DDX19A: variants seen among roughly 807,000 people sequenced by gnomAD.
The protein encoded by DDX19A is DEAD-box helicase 19A.
A neutral mutation model predicts 60.6 loss-of-function variants in DDX19A; 12 were observed. That is an observed-to-expected ratio of 0.20 (90% CI 0.13 to 0.32). The LOEUF (loss-of-function observed/expected upper bound fraction) is 0.32. Ranked by LOEUF, DDX19A falls within the 10% of genes least tolerant of loss-of-function variation. DDX19A has a pLI of 1.00. For missense variants in DDX19A, 337 were observed against 600.6 expected (o/e 0.56, Z 4.59); for synonymous variants, 206 against 218.2 (o/e 0.94, Z 0.49).
At position 70,346,975 on chromosome 16, in the gene DDX19A, C is replaced by T. The variant is rs769728577; in HGVS notation, c.-17C>T. The T allele has an allele frequency of 1.2e-6, 2 of 1,610,186 alleles. No homozygotes were observed. Among genetic ancestry groups the T allele is most frequent in the African/African-American group, 1.3e-5 (1 of 74,910 alleles). On this transcript the variant is annotated 5_prime_UTR_variant, in exon 1 of 12. Coordinates refer to ENST00000302243, the MANE Select transcript of DDX19A (RefSeq NM_018332.5). ...GCAGCGCATATTTTCACAAGTGGGT[C>T]TCCCTTGTCCGGGACTATGGCCACC...
In DDX19A at chr16:70,370,260, C is replaced by G; in HGVS notation, c.1058C>G (p.Ser353Ter). The G allele has an allele frequency of 6.2e-7, 1 of 1,614,034 alleles. No homozygotes were observed. Among genetic ancestry groups the G allele is most frequent in the Non-Finnish European group, 8.5e-7 (1 of 1,179,988 alleles). The change falls in exon 10 of 12, where the codon TCA becomes TGA. Residue 353 changes from serine (S) to a stop codon, truncating the protein, a stop_gained. Coordinates refer to ENST00000302243, the MANE Select transcript of DDX19A (RefSeq NM_018332.5). LOFTEE classifies it high-confidence loss of function. ...GCTAGTTGGCTGGCAGCAGAGCTCT[C>G]AAAAGAAGGCCACCAGGTGGCTCTG... The part of the protein sequence containing the change: ...KTASWLAAEL[S>*]KEGHQVALLS...
chr16:70,365,755 G>C, intron 7 of DDX19A: 1 of 386,070 alleles, frequency 2.6e-6, no homozygotes, highest in Non-Finnish European at 4.9e-6. Flanking sequence ...ACTCTAGTCT[G>C]GGCAACAGAG....
Position 70,347,214 on chromosome 16 carries a change from A to T in DDX19A, c.57+166A>T, listed in dbSNP as rs74026010. On this transcript the variant is annotated intron_variant, in intron 1 of 11. Transcript: ENST00000302243. ...TTTGCTCTTAGAGCTAAAGAGACCA[A>T]TGTCGAGCTTTTTATCTCCATCTGG... 1,081 of 660,642 alleles carry T rather than the reference A, an allele frequency of 1.6e-3. 14 individuals are homozygous for T. The African/African-American group carries it at 0.018, about 11-fold the overall frequency. 40.9% of individuals were successfully genotyped at this position (660,642 alleles called of 1,614,324 possible).
intron 3 of DDX19A, chr16:70,355,747 G>C (rs930525949): frequency 1.2e-5 from 7 of 591,822 alleles, no homozygotes; most frequent in South Asian, 8.2e-5. Flanking sequence ...GGATTCCTTT[G>C]GGCCAGGAGT....
At chr16:70,361,532 A>G (rs988653423) in intron 5 of DDX19A, 22 bp downstream of exon 5, 5 of 1,571,238 alleles carry the variant, frequency 3.2e-6, no homozygotes, top group Non-Finnish European at 4.4e-6. Context: ...GATGAAGCGC[A>G]TCTCACCCAG....
At chr16:70,357,270 A>AAAT (rs1555552554) in intron 4 of DDX19A, among the ~76,000 whole-genome samples, 3 of 123,030 alleles carry the variant, frequency 2.4e-5, no homozygotes, top group African/African-American at 6.8e-5. Flanking sequence ...AAAAAAAAAA[A>AAAT]ATATATATAT....
At position 70,366,140 on chromosome 16, in the gene DDX19A, G is replaced by A. The variant is rs776297933; in HGVS notation, c.660G>A (p.Val220=). Residue 220 remains valine (V), a synonymous_variant, in exon 8 of 12, where the codon GTG becomes GTA. Transcript: ENST00000302243. The part of the protein sequence containing the change: ...EQIVIGTPGT[V]LDWCSKLKFI... ...TTGTCATTGGCACCCCTGGGACCGT[G>A]CTGGACTGGTGCTCCAAGCTCAAGT... 6.2e-7 allele frequency: 1 copy of A among 1,614,174 alleles called. No homozygotes were observed. Among genetic ancestry groups the A allele is most frequent in the Non-Finnish European group, 8.5e-7 (1 of 1,180,038 alleles).
At chr16:70,348,863 T>G (rs914538383) in intron 1 of DDX19A, among the ~76,000 whole-genome samples, 1 of 152,000 alleles carries the variant, frequency 6.6e-6, no homozygotes, top group Non-Finnish European at 1.5e-5. Context: ...GAGGATCACC[T>G]GAGCCTAGGG....
At chr16:70,366,411 C>A (rs1428556577) in intron 8 of DDX19A, 149 bp downstream of exon 8, 2 of 1,318,758 alleles carry the variant, frequency 1.5e-6, no homozygotes, top group Non-Finnish European at 2.1e-6. Context: ...CATGTCAGCG[C>A]TGATCACAGT....
chr16:70,349,056 C>T (rs964166574), intron 1 of DDX19A, among the ~76,000 whole-genome samples: 5 of 152,098 alleles, frequency 3.3e-5, no homozygotes, highest in Non-Finnish European at 7.3e-5. Context: ...CCAGGTTTGA[C>T]GATTTGTTAG....
chr16:70,347,277 A>G (rs774012458), intron 1 of DDX19A: 9 of 575,688 alleles, frequency 1.6e-5, no homozygotes, highest in Non-Finnish European at 2.5e-5. Flanking sequence ...AATCCGCCCC[A>G]CTATGCATGC....
chr16:70,355,163 G>A (rs1964143944), intron 2 of DDX19A, among the ~76,000 whole-genome samples: 1 of 152,024 alleles, frequency 6.6e-6, no homozygotes, highest in Non-Finnish European at 1.5e-5. Flanking sequence ...ACTTGATCGA[G>A]GTCAGGAGTT....
chr16:70,372,150 A>T lies in DDX19A; in HGVS notation c.*164A>T. On this transcript the variant is annotated 3_prime_UTR_variant, in exon 12 of 12. Coordinates refer to ENST00000302243, the MANE Select transcript of DDX19A (RefSeq NM_018332.5). ...GTTTGGACTTGACAAAAATAGGTGC[A>T]AATGATGGGGGGCAATAGAAGAAAA... is the stretch of plus-strand genomic sequence containing the variant. 1 of 1,187,700 alleles carries T rather than the reference A, an allele frequency of 8.4e-7. No homozygotes were observed. The highest frequency in any genetic ancestry group is 1.4e-5 in the South Asian group (1 of 69,148). The allele number at this position is 1,187,700 out of a possible 1,614,324, so 73.6% of individuals were successfully genotyped here. A position where few individuals can be genotyped will look rare whatever the true frequency, so the allele number is the denominator to read the frequency against.
In DDX19A at chr16:70,366,636, G is replaced by C. The variant is rs761739320; in HGVS notation, c.795G>C (p.Arg265Ser). Residue 265 changes from arginine to serine, a missense_variant, in exon 9 of 12, where the codon AGG (arginine) becomes AGC (serine). Transcript: ENST00000302243. Reference sequence around the variant, plus strand: ...CCTTCCCTTGCAGGATGCTGCCCAGGAACTGCCAGATGCTGCTTTTCTCCG... The same window carrying C: ...CCTTCCCTTGCAGGATGCTGCCCAGCAACTGCCAGATGCTGCTTTTCTCCG... The part of the protein sequence containing the change: ...QSIRIQRMLP[R>S]NCQMLLFSAT... 6.2e-7 allele frequency: 1 copy of C among 1,614,192 alleles called. No homozygotes were observed. Among genetic ancestry groups the C allele is most frequent in the Non-Finnish European group, 8.5e-7 (1 of 1,180,040 alleles).
intron 6 of DDX19A, 67 bp downstream of exon 6, chr16:70,364,712 G>A: frequency 8.4e-7 from 1 of 1,187,398 alleles, no homozygotes. Flanking sequence ...ATCTGGTGAG[G>A]AGTAACGAGA....
intron 5 of DDX19A, among the ~76,000 whole-genome samples, chr16:70,362,515 C>T (rs1299418076): frequency 3.9e-5 from 6 of 152,128 alleles, no homozygotes; most frequent in African/African-American, 7.2e-5. Flanking sequence ...AGAAAGGAAG[C>T]AGGTCCAGTT....
rs755390998 is a variant in DDX19A, at chr16:70,349,459, T to A, written c.58-1098T>A. ...GACCCCCTCTTATCAGTTCTAGGAA[T>A]GATGGGAACCTTCCCAAAGTCCAAG... On this transcript the variant is annotated intron_variant, in intron 1 of 11. Coordinates refer to ENST00000302243, the MANE Select transcript of DDX19A (RefSeq NM_018332.5). 1.1e-4 allele frequency among the ~76,000 whole-genome samples: 17 copies of A among 152,276 alleles called. No homozygotes were observed. In the Middle Eastern group the frequency reaches 0.01, roughly 91 times the overall value.
chr16:70,348,686 T>C (rs1198196150), intron 1 of DDX19A, among the ~76,000 whole-genome samples: 1 of 139,950 alleles, frequency 7.1e-6, no homozygotes, highest in Admixed American at 7.3e-5. Context: ...ACACCTGTAA[T>C]CCTAGCACTT....
intron 2 of DDX19A, among the ~76,000 whole-genome samples, chr16:70,353,495 C>A (rs1361211722): frequency 6.6e-6 from 1 of 151,962 alleles, no homozygotes; most frequent in Non-Finnish European, 1.5e-5. Flanking sequence ...CTTTGGGAGG[C>A]CGAGGCGGGC....
Sources: allele counts gnomAD v4.1 joint callset (sites outside exome capture counted in the v4.1 genomes callset), GRCh38; gene constraint gnomAD v4.1.1; transcripts MANE v1.5; gene names NCBI Gene and HGNC (gene_info 2026-07-23, HGNC 2026-07-21).